The following FREM2 variants were observed in gnomAD, a reference collection of about 807,000 sequenced individuals.
The protein encoded by FREM2 is FRAS1-related extracellular matrix protein 2.
FREM2 carries 119 observed loss-of-function variants against 219.9 expected under a neutral mutation model. The observed-to-expected ratio is 0.54, with a 90% CI of 0.47 to 0.63. The LOEUF (loss-of-function observed/expected upper bound fraction) is 0.63. FREM2 is among the 30% of genes least tolerant of loss of function. The pLI is 0.00. For missense variants in FREM2, 4,030 were observed against 3,993.6 expected, an observed-to-expected ratio of 1.01 and a Z score of -0.25; for synonymous variants, 1,562 against 1,522.8, an observed-to-expected ratio of 1.03 and a Z score of -0.60.
At chr13:38,859,142 C>T (rs1195344729) in intron 13 of FREM2, 145 bp from the exon 14 acceptor site, 2 of 730,118 alleles carry the variant, frequency 2.7e-6, no homozygotes, top group African/African-American at 1.7e-5. Flanking sequence ...GTTATCATGC[C>T]TGGGGATCAA....
chr13:38,754,887 A>G (rs1872922149), intron 2 of FREM2, among the ~76,000 whole-genome samples: 1 of 94,880 alleles, frequency 1.1e-5, no homozygotes. Flanking sequence ...GATGATGATG[A>G]TGATGATGAT....
At chr13:38,754,591 C>G (rs1022859428) in intron 2 of FREM2, among the ~76,000 whole-genome samples, 1 of 152,028 alleles carries the variant, frequency 6.6e-6, no homozygotes, top group African/African-American at 2.4e-5. Flanking sequence ...TGTGGAAATA[C>G]CTAAATTGCA....
chr13:38,808,728 C>T (rs185367512), intron 6 of FREM2, among the ~76,000 whole-genome samples: 1 of 151,846 alleles, frequency 6.6e-6, no homozygotes, highest in African/African-American at 2.4e-5. Context: ...TCAAAGATCA[C>T]TGATCATAGG....
chr13:38,837,775 G>GTTTTTTTTTTTTTTTTTTTTTTTTT (rs1555270912), intron 6 of FREM2, among the ~76,000 whole-genome samples: 9 of 128,844 alleles, frequency 7.0e-5, no homozygotes, highest in Admixed American at 8.6e-5. Context: ...GTTTTTTTTT[G>GTTTTTTTTTTTTTTTTTTTTTTTTT]TTTTGTTTTG....
chr13:38,791,333 A>G (rs1211613631), intron 6 of FREM2, among the ~76,000 whole-genome samples: 1 of 152,186 alleles, frequency 6.6e-6, no homozygotes, highest in East Asian at 1.9e-4. Flanking sequence ...TTGCTGCTTA[A>G]AAGTCTCTCA....
chr13:38,692,382 A>G lies in FREM2; in HGVS notation c.5038A>G (p.Thr1680Ala), dbSNP rs1210486182. ...CACTGGCCACTTGGGGTTCATGATC[A>G]CAAGCAAAATATTGAAAGTGGAGGA... ...LATGHLGFMI[T>A]SKILKVEDRD... The change falls in exon 1 of 24, where the codon ACA becomes GCA. Residue 1680 changes from threonine (T) to alanine (A), a missense_variant. This residue lies in a region of FREM2 where 3,102 missense variants were observed against 2,950.7 expected (regional missense o/e 1.05). Transcript: ENST00000280481. 1 of 1,608,800 alleles carries G rather than the reference A, an allele frequency of 6.2e-7. No homozygotes were observed. Among genetic ancestry groups the G allele is most frequent in the East Asian group, 2.2e-5 (1 of 44,812 alleles).
chr13:38,831,529 T>G (rs1489756444), intron 6 of FREM2, among the ~76,000 whole-genome samples: 2 of 152,148 alleles, frequency 1.3e-5, no homozygotes, highest in African/African-American at 2.4e-5. Context: ...AAATTATAGT[T>G]GACAAGAAAA....
chr13:38,816,972 A>G (rs1036524539), intron 6 of FREM2, among the ~76,000 whole-genome samples: 6 of 152,158 alleles, frequency 3.9e-5, no homozygotes, highest in Non-Finnish European at 8.8e-5. Flanking sequence ...CATTTACAAT[A>G]GCTACAAAAA....
At chr13:38,778,284 G>A (rs534961471) in intron 4 of FREM2, among the ~76,000 whole-genome samples, 5 of 152,304 alleles carry the variant, frequency 3.3e-5, no homozygotes, top group Admixed American at 3.3e-4. Flanking sequence ...TCTGGAGGCT[G>A]GAGAATCCAA....
chr13:38,779,135 C>T (rs1449302445), intron 4 of FREM2, among the ~76,000 whole-genome samples: 1 of 151,826 alleles, frequency 6.6e-6, no homozygotes, highest in Non-Finnish European at 1.5e-5. Context: ...GAACAGAAAA[C>T]CAGACACTGC....
At chr13:38,861,122 T>C (rs549433061) in intron 14 of FREM2, among the ~76,000 whole-genome samples, 21 of 152,236 alleles carry the variant, frequency 1.4e-4, no homozygotes, top group Non-Finnish European at 1.6e-4. Flanking sequence ...TATATTTAAA[T>C]GATTTTGTGA....
chr13:38,874,501 C>A lies in FREM2; in HGVS notation c.8196C>A (p.Ser2732Arg). The A allele has an allele frequency of 6.2e-7, 1 of 1,613,940 alleles. No homozygotes were observed. Among genetic ancestry groups the A allele is most frequent in the Non-Finnish European group, 8.5e-7 (1 of 1,179,808 alleles). The change falls in exon 18 of 24, where the codon AGC becomes AGA. Residue 2732 changes from serine (S) to arginine (R), a missense_variant. By Grantham distance (110) the Ser-to-Arg change is moderately radical (BLOSUM62 -1). Coordinates refer to ENST00000280481, the MANE Select transcript of FREM2 (RefSeq NM_207361.6). ...AELQGSLYPT[S>R]MRIGDEGRLA... ...TTATAGGTTCTCTCTATCCAACCAG[C>A]ATGCGCATCGGTGATGAGGGGCGCT... is the stretch of plus-strand genomic sequence containing the variant.
chr13:38,769,352 A>C (rs1380515661), intron 3 of FREM2, among the ~76,000 whole-genome samples: 2 of 152,194 alleles, frequency 1.3e-5, no homozygotes, highest in East Asian at 3.9e-4. Flanking sequence ...AAGCATATAT[A>C]GCAAAACCAT....
intron 2 of FREM2, among the ~76,000 whole-genome samples, chr13:38,711,913 CTTTTTTTTTTTT>C (rs1224297915): frequency 1.9e-5 from 2 of 107,602 alleles, no homozygotes; most frequent in Non-Finnish European, 3.5e-5. Flanking sequence ...CTGATAATTT[CTTTTTTTTTTTT>C]TTTTTTTTTT....
chr13:38,819,599 A>G (rs898742222), intron 6 of FREM2, among the ~76,000 whole-genome samples: 2 of 152,146 alleles, frequency 1.3e-5, no homozygotes, highest in South Asian at 4.1e-4. Flanking sequence ...GCTGTTCACA[A>G]TATTAAATTA....
chr13:38,739,117 GA>G (rs1872126403), intron 2 of FREM2, among the ~76,000 whole-genome samples: 1 of 152,200 alleles, frequency 6.6e-6, no homozygotes, highest in Non-Finnish European at 1.5e-5. Flanking sequence ...GCTGTTGGTG[GA>G]GGGAGTATCA....
intron 6 of FREM2, among the ~76,000 whole-genome samples, chr13:38,818,840 C>T (rs1031727059): frequency 6.6e-6 from 1 of 151,494 alleles, no homozygotes; most frequent in East Asian, 1.9e-4. Flanking sequence ...TGCAGTGAGC[C>T]AAGATCGCAC....
intron 16 of FREM2, among the ~76,000 whole-genome samples, chr13:38,867,697 A>G (rs1284664585): frequency 1.3e-5 from 2 of 152,256 alleles, no homozygotes; most frequent in African/African-American, 4.8e-5. Context: ...TTAAGTCCCC[A>G]AGTCTAAACA....
intron 2 of FREM2, among the ~76,000 whole-genome samples, chr13:38,722,859 T>C (rs1871346676): frequency 6.6e-6 from 1 of 151,892 alleles, no homozygotes; most frequent in Non-Finnish European, 1.5e-5. Context: ...AAGTTACTCA[T>C]GTCTGATAAC....
Sources: allele counts gnomAD v4.1 joint callset (sites outside exome capture counted in the v4.1 genomes callset), GRCh38; gene constraint gnomAD v4.1.1; regional missense constraint gnomAD v4.1.1; transcripts MANE v1.5; gene names NCBI Gene and HGNC (gene_info 2026-07-23, HGNC 2026-07-21).